Variants in SUPT3H observed in about 807,000 individuals in gnomAD.
The protein encoded by SUPT3H is SPT3 homolog, SAGA and STAGA complex component, also known as transcription initiation protein SPT3 homolog.
Under a neutral mutation model 44.3 loss-of-function variants are expected in SUPT3H, and 44 were observed. The observed-to-expected ratio is 0.99, with a 90% CI of 0.78 to 1.28. The LOEUF (loss-of-function observed/expected upper bound fraction) is 1.28, where lower values mean the gene tolerates loss of function less well. SUPT3H is among the 50% of genes most tolerant of loss of function. The pLI, the probability that SUPT3H is intolerant of heterozygous loss-of-function variation, is 0.00. For missense variants in SUPT3H, 380 were observed against 387.1 expected (o/e 0.98, Z 0.15); for synonymous variants, 124 against 125.6 (o/e 0.99, Z 0.09).
At chr6:45,278,977 C>T (rs1777492088) in intron 2 of SUPT3H, among the ~76,000 whole-genome samples, 1 of 152,062 alleles carries the variant, frequency 6.6e-6, no homozygotes, top group Non-Finnish European at 1.5e-5. Context: ...AAAAAAAAGA[C>T]ATTTGGATAA....
chr6:45,083,333 A>G (rs1202123165), intron 3 of SUPT3H, among the ~76,000 whole-genome samples: 1 of 151,938 alleles, frequency 6.6e-6, no homozygotes, highest in Non-Finnish European at 1.5e-5. Flanking sequence ...CTGGGATTAT[A>G]GGCACACGCC....
chr6:45,103,001 C>T (rs1798804540), intron 3 of SUPT3H, among the ~76,000 whole-genome samples: 1 of 151,032 alleles, frequency 6.6e-6, no homozygotes, highest in South Asian at 2.1e-4. Context: ...TCTTAATAGG[C>T]AAATGGATAA....
At chr6:45,068,241 C>T (rs1167492536) in intron 3 of SUPT3H, among the ~76,000 whole-genome samples, 7 of 145,468 alleles carry the variant, frequency 4.8e-5, no homozygotes, top group Non-Finnish European at 9.0e-5. Context: ...CATATTCTCA[C>T]TCATAGGTGG....
intron 3 of SUPT3H, among the ~76,000 whole-genome samples, chr6:45,099,516 T>C (rs1798256397): frequency 6.6e-6 from 1 of 152,206 alleles, no homozygotes; most frequent in African/African-American, 2.4e-5. Flanking sequence ...GACATGAATA[T>C]AGAAATACAT....
At chr6:45,170,829 C>A (rs895876265) in intron 2 of SUPT3H, among the ~76,000 whole-genome samples, 3 of 151,102 alleles carry the variant, frequency 2.0e-5, no homozygotes, top group African/African-American at 7.3e-5. Flanking sequence ...AGCATAATTT[C>A]TCTCTGTTTT....
chr6:44,928,900 AAAAAGAAAAG>A (rs1307330706), intron 10 of SUPT3H, among the ~76,000 whole-genome samples: 113 of 88,678 alleles, frequency 1.3e-3, no homozygotes, highest in Middle Eastern at 6.9e-3. Flanking sequence ...AAAAAAAAAA[AAAAAGAAAAG>A]AAAAGAAACA....
chr6:45,129,541 T>C (rs563495967), intron 2 of SUPT3H, among the ~76,000 whole-genome samples: 14 of 152,202 alleles, frequency 9.2e-5, no homozygotes, highest in Non-Finnish European at 1.6e-4. Context: ...TATTGAAAGT[T>C]CACCGTCCTA....
intron 2 of SUPT3H, among the ~76,000 whole-genome samples, chr6:45,331,236 G>C (rs926044097): frequency 6.6e-6 from 1 of 151,886 alleles, no homozygotes; most frequent in Non-Finnish European, 1.5e-5. Context: ...CTCAAAATCT[G>C]TCCATCATTT....
At chr6:45,276,783 T>A (rs1777101134) in intron 2 of SUPT3H, among the ~76,000 whole-genome samples, 1 of 152,234 alleles carries the variant, frequency 6.6e-6, no homozygotes, top group Non-Finnish European at 1.5e-5. Context: ...TCAGCAGAGC[T>A]GCCTAGCTGA....
At chr6:44,844,874 A>G (rs1053031479) in intron 10 of SUPT3H, among the ~76,000 whole-genome samples, 3 of 152,210 alleles carry the variant, frequency 2.0e-5, no homozygotes, top group Non-Finnish European at 4.4e-5. Flanking sequence ...ATATTTTAAA[A>G]GAATGAATTT....
chr6:45,318,160 G>C (rs181251111), intron 2 of SUPT3H, among the ~76,000 whole-genome samples: 2 of 152,120 alleles, frequency 1.3e-5, no homozygotes, highest in Non-Finnish European at 2.9e-5. Context: ...TGTCACAATG[G>C]TTAAGATAGT....
intron 2 of SUPT3H, among the ~76,000 whole-genome samples, chr6:45,237,449 G>A (rs1769389477): frequency 1.3e-5 from 2 of 152,084 alleles, no homozygotes. Context: ...TTACAACAAT[G>A]GGGAACACAA....
chr6:45,182,810 T>C (rs1002244546), intron 2 of SUPT3H, among the ~76,000 whole-genome samples: 7 of 152,152 alleles, frequency 4.6e-5, no homozygotes, highest in Non-Finnish European at 8.8e-5. Context: ...GGATGTCTAT[T>C]TAAACAAAAA....
At chr6:44,820,309 A>T (rs537613211) in intron 11 of SUPT3H, among the ~76,000 whole-genome samples, 4 of 152,208 alleles carry the variant, frequency 2.6e-5, no homozygotes, top group Non-Finnish European at 5.9e-5. Flanking sequence ...TAGTGGTCAA[A>T]TTTCTTATTT....
At chr6:44,911,983 T>A (rs1256968011) in intron 10 of SUPT3H, among the ~76,000 whole-genome samples, 1 of 152,224 alleles carries the variant, frequency 6.6e-6, no homozygotes, top group Admixed American at 6.5e-5. Context: ...GCAGCTCAAA[T>A]CTTCCCCTTG....
At chr6:44,906,274 T>C (rs534890862) in intron 10 of SUPT3H, among the ~76,000 whole-genome samples, 3 of 152,354 alleles carry the variant, frequency 2.0e-5, no homozygotes, top group South Asian at 4.1e-4. Context: ...GATAGTAGTA[T>C]TTAATTAATG....
chr6:45,157,273 CT>C (rs1030072576), intron 2 of SUPT3H, among the ~76,000 whole-genome samples: 1 of 151,752 alleles, frequency 6.6e-6, no homozygotes, highest in Non-Finnish European at 1.5e-5. Flanking sequence ...TTGAAACATT[CT>C]TTTTAAAAAC....
rs1476120373 is a variant in SUPT3H at position 45,164,064 on chromosome 6, C to A, written c.102-58058G>T. 3.9e-5 allele frequency among the ~76,000 whole-genome samples: 6 copies of A among 152,096 alleles called. No individual in the cohort carries two copies. In the East Asian group the frequency reaches 1.2e-3, roughly 29 times the overall value. ...AATCTGAGTAGCTGATACACATATTCCCAGCTAAGGTCTAACAGGGAGACA... is the reference window on the plus strand; with the variant it reads ...AATCTGAGTAGCTGATACACATATTACCAGCTAAGGTCTAACAGGGAGACA... On this transcript the variant is annotated intron_variant, in intron 2 of 10. Coordinates refer to ENST00000371459, the MANE Select transcript of SUPT3H (RefSeq NM_003599.4).
chr6:44,863,972 C>T (rs1482681224), intron 10 of SUPT3H, among the ~76,000 whole-genome samples: 4 of 151,960 alleles, frequency 2.6e-5, no homozygotes, highest in Non-Finnish European at 4.4e-5. Flanking sequence ...GTCCCTCCCA[C>T]AATATGTGGG....
Sources: gnomAD v4.1 joint callset for allele counts (sites outside exome capture counted in the v4.1 genomes callset) on GRCh38, gnomAD v4.1.1 for gene constraint, MANE v1.5 for transcripts, NCBI Gene and HGNC (gene_info 2026-07-23, HGNC 2026-07-21) for gene names.